Variants in REPS2 observed in about 807,000 individuals in gnomAD.
The protein encoded by REPS2 is ralBP1-associated Eps domain-containing protein 2.
Under a neutral mutation model 53.6 loss-of-function variants are expected in REPS2, and 23 were observed. That is an observed-to-expected ratio of 0.43 (90% confidence interval 0.31 to 0.61). The LOEUF (loss-of-function observed/expected upper bound fraction) is 0.61. Among genes scored for constraint, REPS2 ranks in the 20% least tolerant of loss-of-function variants. The pLI, the probability that REPS2 is intolerant of heterozygous loss-of-function variation, is 0.11. For synonymous variants in REPS2, 238 were observed against 218.6 expected (o/e 1.09, Z -0.78); for missense variants, 446 against 534.9 (o/e 0.83, Z 1.64).
At chrX:17,067,203 A>G (rs894992392) in intron 9 of REPS2, among the ~76,000 whole-genome samples, 2 of 112,193 alleles carry the variant, frequency 1.8e-5, no homozygotes, top group African/African-American at 3.2e-5. Flanking sequence ...ATCTTTCCAG[A>G]GTTTGTGTAT....
the REPS2 span, among the ~76,000 whole-genome samples, chrX:17,177,939 G>A: frequency 2.7e-5 from 3 of 111,457 alleles, no homozygotes; most frequent in African/African-American, 9.8e-5. Flanking sequence ...CCTCCAGAAT[G>A]AAGGAGGAAC....
In REPS2 at chrX:17,006,143, A is replaced by G. The variant is rs2061360504; in HGVS notation, c.274-78A>G. The stretch of plus-strand genomic sequence containing the variant: ...GGTTAGCCACTAGGTGAAATCCTTG[A>G]TATTTCATCATGTACCTTGTCTCAT... On this transcript the variant is annotated intron_variant, in intron 1 of 17. Transcript: ENST00000357277. The G allele has an allele frequency of 2.7e-6, 3 of 1,103,587 alleles. No homozygotes were observed. The Admixed American group carries it at 7.0e-5, about 26-fold the overall frequency. 90.9% of individuals were successfully genotyped at this position (1,103,587 alleles called of 1,213,427 possible). A position where few individuals can be genotyped will look rare whatever the true frequency, so the allele number is the denominator to read the frequency against.
At chrX:17,108,910 CAACAG>C (rs1409436813) in intron 14 of REPS2, among the ~76,000 whole-genome samples, 1 of 87,120 alleles carries the variant, frequency 1.1e-5, no homozygotes, top group Non-Finnish European at 2.3e-5. Context: ...TTTAAAGAAA[CAACAG>C]AACTTTTTTT....
intron 6 of REPS2, among the ~76,000 whole-genome samples, chrX:17,052,145 C>A (rs2062011703): frequency 8.9e-6 from 1 of 112,253 alleles, no homozygotes; most frequent in South Asian, 3.6e-4. Flanking sequence ...TGATTTGCAT[C>A]TTTCATGAGC....
intron 13 of REPS2, among the ~76,000 whole-genome samples, chrX:17,080,901 C>T (rs761496490): frequency 1.8e-5 from 2 of 111,518 alleles, no homozygotes; most frequent in African/African-American, 6.5e-5. Context: ...TCTGGACCTC[C>T]CTCCTGTCAG....
At chrX:17,172,975 A>ATGTGTGTGTG in the REPS2 span, among the ~76,000 whole-genome samples, 9 of 99,296 alleles carry the variant, frequency 9.1e-5, no homozygotes, top group East Asian at 3.2e-4. Context: ...GTGTGTATGT[A>ATGTGTGTGTG]TGTGTGTGTG....
chrX:16,985,543 A>G (rs1180696535), intron 1 of REPS2, among the ~76,000 whole-genome samples: 2 of 112,350 alleles, frequency 1.8e-5, no homozygotes, highest in African/African-American at 3.2e-5. Context: ...TTGACTTGAC[A>G]TCCTGTGCAT....
chrX:17,158,181 C>T (rs757653365), downstream of REPS2, among the ~76,000 whole-genome samples: 3 of 111,971 alleles, frequency 2.7e-5, no homozygotes, highest in Non-Finnish European at 3.8e-5. Flanking sequence ...TCTGGAAGAA[C>T]GAACTTGGAT....
At chrX:17,187,374 C>T in the REPS2 span, among the ~76,000 whole-genome samples, 1 of 111,817 alleles carries the variant, frequency 8.9e-6, no homozygotes, top group Non-Finnish European at 1.9e-5. Flanking sequence ...TCCAGGCTGC[C>T]GAATGGGCCC....
chrX:16,999,743 C>G (rs916138067), intron 1 of REPS2, among the ~76,000 whole-genome samples: 3 of 111,767 alleles, frequency 2.7e-5, no homozygotes, highest in African/African-American at 9.8e-5. Flanking sequence ...AATACCTTTT[C>G]TTTTTAAAAA....
downstream of REPS2, among the ~76,000 whole-genome samples, chrX:17,154,934 A>G (rs2063600339): frequency 8.9e-6 from 1 of 111,772 alleles, no homozygotes; most frequent in Non-Finnish European, 1.9e-5. Context: ...AATAGTCTTA[A>G]AAGAGGGATA....
intron 6 of REPS2, among the ~76,000 whole-genome samples, chrX:17,051,358 T>C (rs1223061339): frequency 8.9e-6 from 1 of 112,060 alleles, no homozygotes; most frequent in African/African-American, 3.3e-5. Context: ...TGATTTCCTT[T>C]CTTTTAGGTA....
chrX:17,092,508 T>C (rs1214922612), intron 13 of REPS2, among the ~76,000 whole-genome samples: 1 of 111,009 alleles, frequency 9.0e-6, no homozygotes, highest in Non-Finnish European at 1.9e-5. Flanking sequence ...GATTGGGGTA[T>C]TTATTATTTT....
intron 4 of REPS2, among the ~76,000 whole-genome samples, chrX:17,028,457 A>G (rs1022824850): frequency 8.9e-6 from 1 of 112,287 alleles, no homozygotes; most frequent in Non-Finnish European, 1.9e-5. Flanking sequence ...TGCAGTTTTT[A>G]TATCTGTATT....
At chrX:17,141,919 T>C (rs981510282) in intron 17 of REPS2, among the ~76,000 whole-genome samples, 3 of 111,857 alleles carry the variant, frequency 2.7e-5, no homozygotes, top group East Asian at 5.6e-4. Flanking sequence ...CCAAAACTTA[T>C]ATGTAAAGGC....
At chrX:17,173,848 G>A in the REPS2 span, among the ~76,000 whole-genome samples, 5 of 111,366 alleles carry the variant, frequency 4.5e-5, no homozygotes, top group East Asian at 1.1e-3. Flanking sequence ...GATTTGTTGG[G>A]TTAAAAAGTT....
intron 14 of REPS2, among the ~76,000 whole-genome samples, chrX:17,111,136 A>G (rs1054549343): frequency 8.9e-6 from 1 of 112,526 alleles, no homozygotes; most frequent in Non-Finnish European, 1.9e-5. Flanking sequence ...ATAGCAAGAA[A>G]CATTATTTAA....
At position 17,016,521 on chromosome X, in the gene REPS2, T is replaced by C. The variant is rs1449090657; in HGVS notation, c.398-5602T>C. ...ACCTTCTGTGTTCAAGCTATTCTCC[T>C]GCTTCAGCCTCCTGAGTAGCTGGGA... On this transcript the variant is annotated intron_variant, in intron 2 of 17. Transcript: ENST00000357277. 4.5e-5 allele frequency among the ~76,000 whole-genome samples: 5 copies of C among 112,310 alleles called. No homozygotes were observed. The East Asian group carries it at 1.1e-3, about 25-fold the overall frequency.
chrX:17,006,153 A>G (rs1602653420), intron 1 of REPS2, 68 bp from the exon 2 acceptor site: 4 of 1,151,799 alleles, frequency 3.5e-6, no homozygotes, highest in Non-Finnish European at 4.7e-6. Flanking sequence ...ATATTTCATC[A>G]TGTACCTTGT....
Sources: allele counts gnomAD v4.1 joint callset (sites outside exome capture counted in the v4.1 genomes callset), GRCh38; gene constraint gnomAD v4.1.1; transcripts MANE v1.5; gene names NCBI Gene and HGNC (gene_info 2026-07-23, HGNC 2026-07-21).